SDK2: variants seen among roughly 807,000 people sequenced by gnomAD.
SDK2 encodes the protein protein sidekick-2.
In SDK2, 105 loss-of-function variants were observed where a neutral mutation model predicts 253.9. The observed-to-expected ratio is 0.41, with a 90% CI of 0.35 to 0.49. SDK2 has a LOEUF of 0.49. Ranked by LOEUF, SDK2 falls within the 20% of genes least tolerant of loss-of-function variation. The probability of loss-of-function intolerance (pLI) is 0.06; values close to 1 mark genes in which losing one functional copy is unlikely to be tolerated. For synonymous variants in SDK2, 1,249 were observed against 1,234.9 expected (o/e 1.01, Z -0.24); for missense variants, 2,608 against 3,003.0 (o/e 0.87, Z 3.07).
At chr17:73,624,439 T>G (rs757264072) in intron 1 of SDK2, among the ~76,000 whole-genome samples, 2 of 152,124 alleles carry the variant, frequency 1.3e-5, no homozygotes, top group African/African-American at 4.8e-5. Flanking sequence ...ATGGCAGAGG[T>G]TGCAGTGAGC....
intron 1 of SDK2, among the ~76,000 whole-genome samples, chr17:73,538,699 A>G (rs1448121669): frequency 6.6e-6 from 1 of 152,032 alleles, no homozygotes; most frequent in East Asian, 1.9e-4. Flanking sequence ...GGAAGCACCC[A>G]CCTCTACCAC....
intron 1 of SDK2, among the ~76,000 whole-genome samples, chr17:73,600,474 T>A (rs1233410533): frequency 2.6e-5 from 4 of 152,020 alleles, no homozygotes; most frequent in African/African-American, 9.7e-5. Flanking sequence ...CAATCCTTGG[T>A]CCCAGGATCA....
intron 1 of SDK2, among the ~76,000 whole-genome samples, chr17:73,509,913 A>AAAAAAAAAAAAAAAAAAAAAAAAG (rs2063966747): frequency 1.4e-5 from 2 of 144,472 alleles, no homozygotes; most frequent in African/African-American, 2.6e-5. Context: ...AAAAAAAAAA[A>AAAAAAAAAAAAAAAAAAAAAAAAG]AAAAAAAAAG....
rs543012779 is a variant in SDK2, at chr17:73,451,973, GGT to G, written c.479+3931_479+3932del. Among the ~76,000 whole-genome samples, 3 of 152,164 alleles carry G rather than the reference GGT, an allele frequency of 2.0e-5. No individual in the cohort carries two copies. The East Asian group carries it at 5.8e-4, about 29-fold the overall frequency. Reference sequence around the variant, plus strand: ...ATTCCATTTTTCAGCCACACCCCCTGGTTTCAATGTACTAGGCTTTTGCTATG... The same window carrying G: ...ATTCCATTTTTCAGCCACACCCCCTGTTCAATGTACTAGGCTTTTGCTATG... On this transcript the variant is annotated intron_variant, in intron 4 of 44. Coordinates refer to ENST00000392650, the MANE Select transcript of SDK2 (RefSeq NM_001144952.2).
intron 1 of SDK2, among the ~76,000 whole-genome samples, chr17:73,513,007 GA>G (rs1012779674): frequency 4.6e-5 from 7 of 151,562 alleles, no homozygotes; most frequent in East Asian, 1.9e-4. Flanking sequence ...AAAAGACCTA[GA>G]AAAAAAATCA....
In SDK2 at chr17:73,443,809, GGGA is replaced by G. The variant is rs1287881473; in HGVS notation, c.614-2889_614-2887del. ...TTTCAGTCTTCTCAGGGGGGAAATG[GGGA>G]TGAAAGTCACTACCTCTCAGGGTTG... On this transcript the variant is annotated intron_variant, in intron 5 of 44. Transcript: ENST00000392650. This position sits in a 1 kb window ranked among gnomAD's most constrained non-coding sequence, Gnocchi z 4.6. Among the ~76,000 whole-genome samples, 3 of 152,146 alleles carry G rather than the reference GGGA, an allele frequency of 2.0e-5. No individual in the cohort carries two copies. The highest frequency in any genetic ancestry group is 2.1e-4 in the South Asian group (1 of 4,822).
rs1216373158 is a variant in SDK2 at position 73,336,277 on chromosome 17, T to C, written c.*2310A>G. The stretch of plus-strand genomic sequence containing the variant: ...GATGTGCTGCCATGGAGATGCCAGA[T>C]GCTGCAGAGGGTGGGGGCGGAGGTG... On this transcript the variant is annotated 3_prime_UTR_variant, in exon 45 of 45. Coordinates refer to ENST00000392650, the MANE Select transcript of SDK2 (RefSeq NM_001144952.2). 1 of 150,994 alleles carries C rather than the reference T, an allele frequency of 6.6e-6. No individual in the cohort carries two copies. The highest frequency in any genetic ancestry group is 2.4e-5 in the African/African-American group (1 of 41,026). The allele number at this position is 150,994 out of a possible 1,614,324, so 9.4% of individuals were successfully genotyped here. A position where few individuals can be genotyped will look rare whatever the true frequency, so the allele number is the denominator to read the frequency against.
intron 18 of SDK2, among the ~76,000 whole-genome samples, chr17:73,413,580 A>G (rs891157074): frequency 1.3e-5 from 2 of 152,158 alleles, no homozygotes; most frequent in Non-Finnish European, 1.5e-5. Context: ...ATAGCAGCCC[A>G]AATGCATTTC....
chr17:73,487,706 C>A (rs78968622), intron 2 of SDK2, among the ~76,000 whole-genome samples: 4 of 152,120 alleles, frequency 2.6e-5, no homozygotes, highest in African/African-American at 7.2e-5. Context: ...GATGGAGCCA[C>A]GGGTGTGAGG....
rs542668668 is a variant in SDK2 at position 73,540,043 on chromosome 17, C to T, written c.65-32446G>A. Among the ~76,000 whole-genome samples the T allele has an allele frequency of 3.3e-3, 495 of 148,850 alleles. 1 individual carries two copies. The highest frequency in any genetic ancestry group is 0.012 in the African/African-American group (471 of 39,870). Reference sequence around the variant, plus strand: ...GGTCATGCAGCTGTGAGCCACGGTACCCAGGATGGGCAGCCCCCAACAGAG... The same window carrying T: ...GGTCATGCAGCTGTGAGCCACGGTATCCAGGATGGGCAGCCCCCAACAGAG... On this transcript the variant is annotated intron_variant, in intron 1 of 44. Coordinates refer to ENST00000392650, the MANE Select transcript of SDK2 (RefSeq NM_001144952.2).
intron 40 of SDK2, chr17:73,357,263 C>T (rs1599479931): frequency 6.6e-6 from 1 of 152,460 alleles, no homozygotes. Flanking sequence ...AACAATTCAT[C>T]ACTGGGATGT....
chr17:73,516,106 G>T lies in SDK2; in HGVS notation c.65-8509C>A, dbSNP rs1003078422. The stretch of plus-strand genomic sequence containing the variant: ...GTCTCTTGAAGTTCTTACGTCTGAG[G>T]CTTCCAAATTCAGCCCCCTCAATGC... On this transcript the variant is annotated intron_variant, in intron 1 of 44. Transcript: ENST00000392650. 3.3e-5 allele frequency among the ~76,000 whole-genome samples: 5 copies of T among 152,204 alleles called. No individual in the cohort carries two copies. The East Asian group carries it at 9.6e-4, about 29-fold the overall frequency.
chr17:73,580,977 C>T (rs1002713200), intron 1 of SDK2, among the ~76,000 whole-genome samples: 2 of 152,106 alleles, frequency 1.3e-5, no homozygotes, highest in Non-Finnish European at 2.9e-5. Context: ...ACTGCAGCCT[C>T]GAACTCCTGG....
In SDK2 at chr17:73,361,927, G is replaced by A. The variant is rs925863664; in HGVS notation, c.5306-82C>T. 2.3e-5 allele frequency: 33 copies of A among 1,418,450 alleles called. No individual in the cohort carries two copies. The African/African-American group carries it at 4.6e-4, about 20-fold the overall frequency. 87.9% of individuals were successfully genotyped at this position (1,418,450 alleles called of 1,614,324 possible). Reference sequence around the variant, plus strand: ...GCCATGGGGAAGGGGAAGCGGCCGTGGCCTGGGCCCCGGGACCCTGGGTAG... The same window carrying A: ...GCCATGGGGAAGGGGAAGCGGCCGTAGCCTGGGCCCCGGGACCCTGGGTAG... On this transcript the variant is annotated intron_variant, in intron 38 of 44. Transcript: ENST00000392650. The surrounding 1 kb of genome is among the most constrained non-coding windows in gnomAD (Gnocchi z 4.1).
rs2045996547 is a variant in SDK2 at position 73,612,977 on chromosome 17, T to C, written c.64+31048A>G. Reference sequence around the variant, plus strand: ...ATAGCAGCCTACCAGATGTTTAGTATACACCAGGCTCTGTGCGACATGCTG... The same window carrying C: ...ATAGCAGCCTACCAGATGTTTAGTACACACCAGGCTCTGTGCGACATGCTG... On this transcript the variant is annotated intron_variant, in intron 1 of 44. Transcript: ENST00000392650. The surrounding 1 kb of genome is among the most constrained non-coding windows in gnomAD (Gnocchi z 4.4). 6.6e-6 allele frequency among the ~76,000 whole-genome samples: 1 copy of C among 152,160 alleles called. No homozygotes were observed. Among genetic ancestry groups the C allele is most frequent in the South Asian group, 2.1e-4 (1 of 4,826 alleles).
rs192796246 is a variant in SDK2 at position 73,372,728 on chromosome 17, G to A, written c.4981-4135C>T. ...TGCACTCCAGCCTGGGTGACAGAGT[G>A]AGACTCTGTCTCGAAAAAAACAAAC... is the stretch of plus-strand genomic sequence containing the variant. On this transcript the variant is annotated intron_variant, in intron 36 of 44. Transcript: ENST00000392650. 1.7e-3 allele frequency among the ~76,000 whole-genome samples: 257 copies of A among 151,778 alleles called. 1 individual carries two copies. Among genetic ancestry groups the A allele is most frequent in the African/African-American group, 5.9e-3 (244 of 41,346 alleles).
intron 2 of SDK2, among the ~76,000 whole-genome samples, chr17:73,501,591 T>C (rs1247775262): frequency 6.6e-6 from 1 of 152,242 alleles, no homozygotes; most frequent in African/African-American, 2.4e-5. Context: ...AAATGGATAA[T>C]GATTTGTCAC....
chr17:73,338,340 T>A lies in SDK2; in HGVS notation c.*247A>T. On this transcript the variant is annotated 3_prime_UTR_variant, in exon 45 of 45. Coordinates refer to ENST00000392650, the MANE Select transcript of SDK2 (RefSeq NM_001144952.2). The surrounding 1 kb of genome is among the most constrained non-coding windows in gnomAD (Gnocchi z 5.0). The stretch of plus-strand genomic sequence containing the variant: ...CAGCCACTTCCCCAGCTCCGTGTAA[T>A]TCCCAAGGGAGCAGTGAACCCCACC... 1.5e-6 allele frequency: 1 copy of A among 647,450 alleles called. No individual in the cohort carries two copies. Among genetic ancestry groups the A allele is most frequent in the Admixed American group, 2.1e-5 (1 of 48,214 alleles). 40.1% of individuals were successfully genotyped at this position (647,450 alleles called of 1,614,324 possible). A position where few individuals can be genotyped will look rare whatever the true frequency, so the allele number is the denominator to read the frequency against.
chr17:73,419,511 G>A (rs2063210570), intron 15 of SDK2, among the ~76,000 whole-genome samples: 2 of 152,028 alleles, frequency 1.3e-5, no homozygotes, highest in South Asian at 4.1e-4. Flanking sequence ...TATGAGACTA[G>A]TTGAGGCTCA....
Sources: gnomAD v4.1 joint callset for allele counts (sites outside exome capture counted in the v4.1 genomes callset) on GRCh38, gnomAD v4.1.1 for gene constraint, Gnocchi (gnomAD v3.1) non-coding constraint, MANE v1.5 for transcripts, NCBI Gene and HGNC (gene_info 2026-07-23, HGNC 2026-07-21) for gene names.